Variants in MYOG observed in about 807,000 individuals in gnomAD.
MYOG encodes the protein myogenin.
In MYOG, 6 loss-of-function variants were observed where a neutral mutation model predicts 17.7. The observed-to-expected ratio is 0.34, with a 90% CI of 0.19 to 0.67. The LOEUF is 0.67. MYOG is among the 30% of genes least tolerant of loss of function. The probability of loss-of-function intolerance (pLI) is 0.69; values close to 1 mark genes in which losing one functional copy is unlikely to be tolerated. For missense variants in MYOG, 272 were observed against 302.0 expected (o/e 0.90, Z 0.74); for synonymous variants, 125 against 130.2 (o/e 0.96, Z 0.27).
chr1:203,085,884 G>T lies in MYOG; in HGVS notation c.78C>A (p.His26Gln). The stretch of plus-strand genomic sequence containing the variant: ...AGCCTGGTGGTTCGAAGCCCTGGAG[G>T]TGGACAGGCAGGTAGTTTTCCCCAT... Reference protein sequence around the residue: ...FYDGENYLPVHLQGFEPPGYE... With the variant: ...FYDGENYLPVQLQGFEPPGYE... The change falls in exon 1 of 3, where the codon CAC becomes CAA. Residue 26 changes from histidine to glutamine, a missense_variant. Coordinates refer to ENST00000241651, the MANE Select transcript of MYOG (RefSeq NM_002479.6). 6.2e-7 allele frequency: 1 copy of T among 1,613,458 alleles called. No individual in the cohort carries two copies. The highest frequency in any genetic ancestry group is 8.5e-7 in the Non-Finnish European group (1 of 1,179,760).
intron 2 of MYOG, 76 bp from the exon 3 acceptor site, chr1:203,084,107 C>T (rs537257068): frequency 6.5e-7 from 1 of 1,537,712 alleles, no homozygotes; most frequent in East Asian, 2.4e-5. Flanking sequence ...GGATGGGACC[C>T]TTGGGGTGAC....
Position 203,083,785 on chromosome 1 carries a change from A to G in MYOG, c.*125T>C, listed in dbSNP as rs937230955. 9 of 1,418,374 alleles carry G rather than the reference A, an allele frequency of 6.3e-6. No individual in the cohort carries two copies. Among genetic ancestry groups the G allele is most frequent in the South Asian group, 1.4e-5 (1 of 74,030 alleles). 87.9% of individuals were successfully genotyped at this position (1,418,374 alleles called of 1,614,324 possible). ...GATGAGGAAGGGGATAGTCTGGCCT[A>G]TGGCACCCCAGAGCTGGCTTCCTAG... On this transcript the variant is annotated 3_prime_UTR_variant, in exon 3 of 3. Coordinates refer to ENST00000241651, the MANE Select transcript of MYOG (RefSeq NM_002479.6).
At chr1:203,084,618 G>T in intron 2 of MYOG, 29 bp downstream of exon 2, 2 of 1,585,962 alleles carry the variant, frequency 1.3e-6, no homozygotes, top group Non-Finnish European at 1.7e-6. Flanking sequence ...AGGGATTGGA[G>T]CCAAGGTTAC....
At chr1:203,084,903 C>T (rs76270336) in intron 1 of MYOG, among the ~76,000 whole-genome samples, 175 bp from the exon 2 acceptor site, 3 of 152,230 alleles carry the variant, frequency 2.0e-5, no homozygotes, top group Admixed American at 6.5e-5. Flanking sequence ...GCTCCTCTCA[C>T]ACCCCAGAGG....
In MYOG at chr1:203,083,301, C is replaced by T. The variant is rs1653533640; in HGVS notation, c.*609G>A. The stretch of plus-strand genomic sequence containing the variant: ...CCTTTTCCCTGCCTGTCCCCGGCAA[C>T]TTCAGCACAGGAGACCTTGGTCGGA... On this transcript the variant is annotated 3_prime_UTR_variant, in exon 3 of 3. Transcript: ENST00000241651. 1 of 174,084 alleles carries T rather than the reference C, an allele frequency of 5.7e-6. No homozygotes were observed. Among genetic ancestry groups the T allele is most frequent in the Non-Finnish European group, 1.2e-5 (1 of 83,150 alleles). 10.8% of individuals were successfully genotyped at this position (174,084 alleles called of 1,614,324 possible). A position where few individuals can be genotyped will look rare whatever the true frequency, so the allele number is the denominator to read the frequency against.
chr1:203,085,841 T>G lies in MYOG; in HGVS notation c.121A>C (p.Thr41Pro), dbSNP rs1571762483. ...GGCCCTGGGGCCTCGGGGCTCAGGG[T>G]GAGCTCCGTCCGCTCGTAGCCTGGT... ...EPPGYERTEL[T>P]LSPEAPGPLE... The change falls in exon 1 of 3, where the codon ACC (threonine) becomes CCC (proline). Residue 41 changes from threonine to proline, a missense_variant. Thr to Pro is a conservative substitution (Grantham distance 38). Transcript: ENST00000241651. 5 of 1,613,874 alleles carry G rather than the reference T, an allele frequency of 3.1e-6. No homozygotes were observed. Among genetic ancestry groups the G allele is most frequent in the Non-Finnish European group, 3.4e-6 (4 of 1,179,884 alleles).
chr1:203,084,195 AGTGTGTGTGTGT>A (rs3835486), intron 2 of MYOG, among the ~76,000 whole-genome samples, 164 bp from the exon 3 acceptor site: 12 of 135,496 alleles, frequency 8.9e-5, no homozygotes, highest in Non-Finnish European at 1.3e-4. Context: ...ATGCTCTGTG[AGTGTGTGTGTGT>A]GTGTGTGTGT....
chr1:203,083,769 G>T lies in MYOG; in HGVS notation c.*141C>A. On this transcript the variant is annotated 3_prime_UTR_variant, in exon 3 of 3. Transcript: ENST00000241651. The stretch of plus-strand genomic sequence containing the variant: ...GGGTTAACCTTACATGGATGAGGAA[G>T]GGGATAGTCTGGCCTATGGCACCCC... The T allele has an allele frequency of 7.8e-7, 1 of 1,277,890 alleles. No homozygotes were observed. The highest frequency in any genetic ancestry group is 1.5e-5 in the African/African-American group (1 of 67,678). The allele number at this position is 1,277,890 out of a possible 1,614,324, so 79.2% of individuals were successfully genotyped here.
Position 203,085,992 on chromosome 1 carries a change from G to A in MYOG, c.-31C>T, listed in dbSNP as rs1235040461. ...CGGAAAAGGCTTGTTCCTGCCACCA[G>A]CCCCCAAGCTCCAGCAGCCCCTCAC... On this transcript the variant is annotated 5_prime_UTR_variant, in exon 1 of 3. Coordinates refer to ENST00000241651, the MANE Select transcript of MYOG (RefSeq NM_002479.6). 3 of 1,472,688 alleles carry A rather than the reference G, an allele frequency of 2.0e-6. No homozygotes were observed. The highest frequency in any genetic ancestry group is 2.7e-5 in the South Asian group (2 of 74,276). The allele number at this position is 1,472,688 out of a possible 1,614,324, so 91.2% of individuals were successfully genotyped here. A position where few individuals can be genotyped will look rare whatever the true frequency, so the allele number is the denominator to read the frequency against.
intron 1 of MYOG, among the ~76,000 whole-genome samples, chr1:203,085,049 G>T (rs1470831162): frequency 6.6e-6 from 1 of 152,200 alleles, no homozygotes. Flanking sequence ...CCCAGTGAAG[G>T]TCGCTCTGTG....
chr1:203,084,493 C>T (rs1049150080), intron 2 of MYOG, among the ~76,000 whole-genome samples, 154 bp downstream of exon 2: 1 of 152,140 alleles, frequency 6.6e-6, no homozygotes, highest in Non-Finnish European at 1.5e-5. Flanking sequence ...GCACACAGAA[C>T]CTCCCAGCCC....
In MYOG at chr1:203,085,468, A is replaced by AG. The variant is rs780219066; in HGVS notation, c.471+22dup. On this transcript the variant is annotated intron_variant, in intron 1 of 2. Coordinates refer to ENST00000241651, the MANE Select transcript of MYOG (RefSeq NM_002479.6). ...CCCTCTGGCCCCGTCCCCTTGGGGCAGGGGGATGGGATGGCCACTTACCCC... is the reference window on the plus strand; with the variant it reads ...CCCTCTGGCCCCGTCCCCTTGGGGCAGGGGGGATGGGATGGCCACTTACCCC... 10 of 1,593,094 alleles carry AG rather than the reference A, an allele frequency of 6.3e-6. No homozygotes were observed. In the African/African-American group the frequency reaches 1.3e-4, roughly 21 times the overall value.
chr1:203,084,511 G>T, intron 2 of MYOG, 136 bp downstream of exon 2: 1 of 751,524 alleles, frequency 1.3e-6, no homozygotes, highest in Non-Finnish European at 2.2e-6. Flanking sequence ...CCCACCCTTT[G>T]GGCCTTGGAG....
Position 203,085,784 on chromosome 1 carries a change from G to A in MYOG, c.178C>T (p.His60Tyr). ...LEDKGLGTPE[H>Y]CPGQCLPWAC... ...CACGGCAGGCACTGGCCTGGACAGT[G>A]CTCGGGGGTCCCCAGCCCCTTGTCC... Residue 60 changes from histidine (H) to tyrosine (Y), a missense_variant, in exon 1 of 3, where the codon CAC (histidine) becomes TAC (tyrosine). Coordinates refer to ENST00000241651, the MANE Select transcript of MYOG (RefSeq NM_002479.6). 1 of 1,613,910 alleles carries A rather than the reference G, an allele frequency of 6.2e-7. No homozygotes were observed. The highest frequency in any genetic ancestry group is 8.5e-7 in the Non-Finnish European group (1 of 1,179,914).
Position 203,083,822 on chromosome 1 carries a change from C to T in MYOG, c.*88G>A, listed in dbSNP as rs1212533221. ...AGCTGGCTTCCTAGCATCAGGGCAG[C>T]CTGGCTTAGGAGGCCCCTGCTACAG... is the stretch of plus-strand genomic sequence containing the variant. On this transcript the variant is annotated 3_prime_UTR_variant, in exon 3 of 3. Coordinates refer to ENST00000241651, the MANE Select transcript of MYOG (RefSeq NM_002479.6). The T allele has an allele frequency of 1.7e-5, 26 of 1,536,426 alleles. No individual in the cohort carries two copies. The East Asian group carries it at 5.6e-4, about 33-fold the overall frequency.
chr1:203,084,981 A>G (rs1243052829), intron 1 of MYOG, among the ~76,000 whole-genome samples: 3 of 152,150 alleles, frequency 2.0e-5, no homozygotes, highest in Admixed American at 6.5e-5. Context: ...CACCAGCTTA[A>G]AGGGGTCCCT....
In MYOG at chr1:203,085,789, G is replaced by A; in HGVS notation, c.173C>T (p.Pro58Leu). Residue 58 changes from proline (P) to leucine (L), a missense_variant, in exon 1 of 3, where the codon CCC becomes CTC. Physicochemically the swap from Pro to Leu is moderately conservative, Grantham distance 98. Coordinates refer to ENST00000241651, the MANE Select transcript of MYOG (RefSeq NM_002479.6). ...CAGGCACTGGCCTGGACAGTGCTCG[G>A]GGGTCCCCAGCCCCTTGTCCTCAAG... Reference protein sequence around the residue: ...GPLEDKGLGTPEHCPGQCLPW... With the variant: ...GPLEDKGLGTLEHCPGQCLPW... The A allele has an allele frequency of 6.2e-7, 1 of 1,613,872 alleles. No homozygotes were observed. The highest frequency in any genetic ancestry group is 1.3e-5 in the African/African-American group (1 of 75,018).
Position 203,086,002 on chromosome 1 carries a change from T to C in MYOG, c.-41A>G. ...TTGTTCCTGCCACCAGCCCCCAAGCTCCAGCAGCCCCTCACGCCAACTGCT... is the reference window on the plus strand; with the variant it reads ...TTGTTCCTGCCACCAGCCCCCAAGCCCCAGCAGCCCCTCACGCCAACTGCT... On this transcript the variant is annotated 5_prime_UTR_variant, in exon 1 of 3. Transcript: ENST00000241651. 1.4e-6 allele frequency: 2 copies of C among 1,432,760 alleles called. No homozygotes were observed. The highest frequency in any genetic ancestry group is 1.9e-6 in the Non-Finnish European group (2 of 1,057,258). 88.8% of individuals were successfully genotyped at this position (1,432,760 alleles called of 1,614,324 possible).
At chr1:203,085,144 G>A (rs1325641999) in intron 1 of MYOG, among the ~76,000 whole-genome samples, 1 of 152,152 alleles carries the variant, frequency 6.6e-6, no homozygotes, top group African/African-American at 2.4e-5. Flanking sequence ...AGTCTTCTCT[G>A]GTGAACTTGG....
Sources: gnomAD v4.1 joint callset for allele counts (sites outside exome capture counted in the v4.1 genomes callset) on GRCh38, gnomAD v4.1.1 for gene constraint, MANE v1.5 for transcripts, NCBI Gene and HGNC (gene_info 2026-07-23, HGNC 2026-07-21) for gene names.